RUNDC3B: variants seen among roughly 807,000 people sequenced by gnomAD.
The protein encoded by RUNDC3B is RUN domain containing 3B.
A neutral mutation model predicts 58.4 loss-of-function variants in RUNDC3B; 33 were observed. The ratio of observed to expected loss-of-function variants is 0.56; its 90% CI spans 0.43 to 0.75. The LOEUF (loss-of-function observed/expected upper bound fraction) is 0.75. Ranked by LOEUF, RUNDC3B falls within the 30% of genes least tolerant of loss-of-function variation. The pLI is 0.00. For missense variants in RUNDC3B, 501 were observed against 535.7 expected (o/e 0.94, Z 0.64); for synonymous variants, 193 against 195.2 (o/e 0.99, Z 0.10).
chr7:87,736,071 A>G (rs1831911924), intron 4 of RUNDC3B, among the ~76,000 whole-genome samples: 1 of 152,190 alleles, frequency 6.6e-6, no homozygotes, highest in Non-Finnish European at 1.5e-5. Flanking sequence ...GACTTTGAAT[A>G]TAACATCTGT....
chr7:87,746,488 G>A (rs1832649940), intron 6 of RUNDC3B, among the ~76,000 whole-genome samples: 1 of 152,138 alleles, frequency 6.6e-6, no homozygotes, highest in South Asian at 2.1e-4. Flanking sequence ...ATACATTTGG[G>A]AGCTCCAGTG....
chr7:87,752,740 A>T (rs1235231358), intron 6 of RUNDC3B, among the ~76,000 whole-genome samples: 1 of 151,792 alleles, frequency 6.6e-6, no homozygotes, highest in African/African-American at 2.4e-5. Flanking sequence ...ATCATTTTTT[A>T]TTGCGTCTAT....
At chr7:87,802,161 G>A (rs1005115059) in intron 8 of RUNDC3B, among the ~76,000 whole-genome samples, 1 of 152,130 alleles carries the variant, frequency 6.6e-6, no homozygotes, top group African/African-American at 2.4e-5. Context: ...GGAGGCCAAG[G>A]TTGGCGGATC....
intron 6 of RUNDC3B, among the ~76,000 whole-genome samples, chr7:87,767,597 C>A (rs575706689): frequency 6.6e-6 from 1 of 152,294 alleles, no homozygotes; most frequent in East Asian, 1.9e-4. Flanking sequence ...TAGCACTATG[C>A]CCTTCTATCC....
Position 87,807,418 on chromosome 7 carries a change from T to A in RUNDC3B, c.1002T>A (p.Thr334=). 6.2e-7 allele frequency: 1 copy of A among 1,613,666 alleles called. No homozygotes were observed. Among genetic ancestry groups the A allele is most frequent in the Non-Finnish European group, 8.5e-7 (1 of 1,179,596 alleles). ...NNDLRSRQEL[T]AHLTNQWPSP... ...ATTTAAGATCGAGACAAGAGTTAAC[T>A]GCCCATCTCACCAACCAGTGGCCTT... is the stretch of plus-strand genomic sequence containing the variant. Residue 334 remains threonine, a synonymous_variant, in exon 9 of 11, where the codon ACT becomes ACA. Coordinates refer to ENST00000394654, the MANE Select transcript of RUNDC3B (RefSeq NM_001134405.2).
At chr7:87,700,378 A>G (rs753622323) in intron 2 of RUNDC3B, 43 bp from the exon 3 acceptor site, 58 of 1,501,800 alleles carry the variant, frequency 3.9e-5, no homozygotes, top group Non-Finnish European at 6.3e-6. Context: ...GTCTAGTTTT[A>G]TTTTACTTTT....
At chr7:87,792,408 AC>A (rs1250485080) in intron 8 of RUNDC3B, among the ~76,000 whole-genome samples, 1 of 152,138 alleles carries the variant, frequency 6.6e-6, no homozygotes, top group African/African-American at 2.4e-5. Flanking sequence ...GCTAGAGAAT[AC>A]ATGTTCTTTT....
chr7:87,661,513 G>A (rs1361987278), intron 2 of RUNDC3B, among the ~76,000 whole-genome samples: 3 of 151,534 alleles, frequency 2.0e-5, no homozygotes, highest in Admixed American at 6.6e-5. Flanking sequence ...AAGTGAAAAT[G>A]AGCGAAGTTT....
At chr7:87,672,859 T>C (rs1825971130) in intron 2 of RUNDC3B, among the ~76,000 whole-genome samples, 1 of 152,196 alleles carries the variant, frequency 6.6e-6, no homozygotes, top group Non-Finnish European at 1.5e-5. Context: ...CTTGCTTTTC[T>C]TCATTCTCCA....
intron 6 of RUNDC3B, among the ~76,000 whole-genome samples, chr7:87,760,471 T>C (rs1833615042): frequency 6.6e-6 from 1 of 152,062 alleles, no homozygotes; most frequent in East Asian, 1.9e-4. Flanking sequence ...TTTGTAGAAA[T>C]GGACAAGCTA....
chr7:87,723,194 T>C (rs536838302), intron 4 of RUNDC3B, among the ~76,000 whole-genome samples: 1 of 152,110 alleles, frequency 6.6e-6, no homozygotes, highest in Admixed American at 6.5e-5. Context: ...AATAGATAAA[T>C]AAAATAGACA....
At chr7:87,777,061 A>G (rs74877486) in intron 7 of RUNDC3B, among the ~76,000 whole-genome samples, 1,748 of 152,300 alleles carry the variant, frequency 0.011, 42 homozygotes, top group African/African-American at 0.04. Context: ...GATAAATTCA[A>G]TAAGTTTTCC....
At chr7:87,761,526 A>G (rs1026079538) in intron 6 of RUNDC3B, among the ~76,000 whole-genome samples, 6 of 151,936 alleles carry the variant, frequency 3.9e-5, no homozygotes, top group Non-Finnish European at 5.9e-5. Flanking sequence ...AAACTTTTAC[A>G]TGAATGTTCA....
chr7:87,717,922 T>C (rs1830658442), intron 4 of RUNDC3B, among the ~76,000 whole-genome samples: 1 of 152,146 alleles, frequency 6.6e-6, no homozygotes, highest in Non-Finnish European at 1.5e-5. Context: ...GTTATTAATA[T>C]TGATTGAAAT....
intron 10 of RUNDC3B, among the ~76,000 whole-genome samples, chr7:87,818,177 T>G (rs1837181851): frequency 6.6e-6 from 1 of 152,132 alleles, no homozygotes; most frequent in Admixed American, 6.5e-5. Flanking sequence ...ATTTAGGATT[T>G]TATTCTAATT....
At position 87,724,888 on chromosome 7, in the gene RUNDC3B, A is replaced by G. The variant is rs564408358; in HGVS notation, c.458+14233A>G. Among the ~76,000 whole-genome samples, 438 of 152,148 alleles carry G rather than the reference A, an allele frequency of 2.9e-3. 3 individuals carry two copies. The highest frequency in any genetic ancestry group is 9.8e-3 in the African/African-American group (409 of 41,540). On this transcript the variant is annotated intron_variant, in intron 4 of 10. Transcript: ENST00000394654. ...TATTATTGAGTAATATTTTTGTGAT[A>G]ATTTACTTTTGTTTTTGAGTGATTT...
intron 8 of RUNDC3B, among the ~76,000 whole-genome samples, chr7:87,782,757 A>ATGTG (rs1835004195): frequency 6.6e-6 from 1 of 152,014 alleles, no homozygotes; most frequent in Non-Finnish European, 1.5e-5. Flanking sequence ...TTTGGTGCCA[A>ATGTG]TGTGATTGTG....
chr7:87,684,910 C>CA (rs1013589808), intron 2 of RUNDC3B, among the ~76,000 whole-genome samples: 5 of 149,910 alleles, frequency 3.3e-5, no homozygotes, highest in Non-Finnish European at 5.9e-5. Flanking sequence ...TACCTGTGTG[C>CA]AAAAAAAAAG....
intron 10 of RUNDC3B, among the ~76,000 whole-genome samples, chr7:87,820,566 C>T (rs1837361448): frequency 6.6e-6 from 1 of 152,138 alleles, no homozygotes; most frequent in African/African-American, 2.4e-5. Flanking sequence ...GATACCAAAG[C>T]CGGGCAGAGA....
Sources: gnomAD v4.1 joint callset for allele counts (sites outside exome capture counted in the v4.1 genomes callset) on GRCh38, gnomAD v4.1.1 for gene constraint, MANE v1.5 for transcripts, NCBI Gene and HGNC (gene_info 2026-07-23, HGNC 2026-07-21) for gene names.